The following TMEM181 variants were observed in gnomAD, a reference collection of about 807,000 sequenced individuals.
The protein encoded by TMEM181 is transmembrane protein 181, also known as G protein-coupled receptor 178.
A neutral mutation model predicts 71.9 loss-of-function variants in TMEM181; 39 were observed. That is an observed-to-expected ratio of 0.54 (90% confidence interval 0.42 to 0.71). The LOEUF is 0.71. Ranked by LOEUF, TMEM181 falls within the 30% of genes least tolerant of loss-of-function variation. TMEM181 has a pLI of 0.00. For missense variants in TMEM181, 595 were observed against 583.0 expected (o/e 1.02, Z -0.21); for synonymous variants, 245 against 228.8 (o/e 1.07, Z -0.64).
At chr6:158,536,971 C>A in intron 1 of TMEM181, 1 of 844,726 alleles carries the variant, frequency 1.2e-6, no homozygotes, top group Non-Finnish European at 1.5e-6. Context: ...CCGACGGCCG[C>A]CTCCGCCGGC....
chr6:158,631,698 T>C (rs749700766), intron 16 of TMEM181, 112 bp from the exon 17 acceptor site: 21 of 1,259,078 alleles, frequency 1.7e-5, no homozygotes, highest in Non-Finnish European at 2.1e-5. Flanking sequence ...TGATAGAAAA[T>C]TGAAAGAGCG....
intron 1 of TMEM181, among the ~76,000 whole-genome samples, chr6:158,561,588 G>A (rs1782181015): frequency 6.6e-6 from 1 of 152,198 alleles, no homozygotes; most frequent in Admixed American, 6.5e-5. Flanking sequence ...GGGGACGTGA[G>A]GTGGTGAGGG....
At chr6:158,602,576 T>C (rs1250514388) in intron 6 of TMEM181, among the ~76,000 whole-genome samples, 2 of 151,976 alleles carry the variant, frequency 1.3e-5, no homozygotes, top group African/African-American at 2.4e-5. Flanking sequence ...CGGTGTATAA[T>C]GGTATTTAAT....
At position 158,560,097 on chromosome 6, in the gene TMEM181, T is replaced by C. The variant is rs1782066525; in HGVS notation, c.-128T>C. ...CTCGGCGTCGCGCTCTGATGAGTTT[T>C]CCGCGGCCGGCCGCTGCTCAGCCGC... On this transcript the variant is annotated 5_prime_UTR_variant, in exon 1 of 17. Coordinates refer to ENST00000684151, the MANE Select transcript of TMEM181 (RefSeq NM_001376852.1). 1.0e-6 allele frequency: 1 copy of C among 984,920 alleles called. No individual in the cohort carries two copies. The highest frequency in any genetic ancestry group is 1.2e-6 in the Non-Finnish European group (1 of 829,764). The allele number at this position is 984,920 out of a possible 1,614,324, so 61.0% of individuals were successfully genotyped here. A position where few individuals can be genotyped will look rare whatever the true frequency, so the allele number is the denominator to read the frequency against.
intron 13 of TMEM181, 115 bp downstream of exon 13, chr6:158,625,869 T>G: frequency 1.1e-6 from 1 of 944,476 alleles, no homozygotes; most frequent in South Asian, 1.5e-5. Flanking sequence ...CCCAGTAGAC[T>G]CATGAGGTTA....
At position 158,608,615 on chromosome 6, in the gene TMEM181, A is replaced by G. The variant is rs201312209; in HGVS notation, c.805-44A>G. ...AAAATCACGTTATGTACAATTACCA[A>G]TTTGGTTTTCTTTATTTCTTACTTC... is the stretch of plus-strand genomic sequence containing the variant. On this transcript the variant is annotated intron_variant, in intron 9 of 16. Transcript: ENST00000684151. 43 of 1,598,046 alleles carry G rather than the reference A, an allele frequency of 2.7e-5. No individual in the cohort carries two copies. The African/African-American group carries it at 2.8e-4, about 11-fold the overall frequency.
intron 4 of TMEM181, among the ~76,000 whole-genome samples, chr6:158,584,732 T>C (rs1344806051): frequency 6.6e-6 from 1 of 152,172 alleles, no homozygotes; most frequent in African/African-American, 2.4e-5. Context: ...GAAACAAATA[T>C]ATATTACGAA....
intron 6 of TMEM181, among the ~76,000 whole-genome samples, chr6:158,599,234 A>C (rs971566980): frequency 1.3e-5 from 2 of 152,186 alleles, no homozygotes; most frequent in Admixed American, 1.3e-4. Flanking sequence ...CTGTGCCTGC[A>C]CGGAGGACAA....
chr6:158,597,678 T>A (rs561086713), intron 6 of TMEM181, among the ~76,000 whole-genome samples: 17 of 152,152 alleles, frequency 1.1e-4, no homozygotes, highest in African/African-American at 3.4e-4. Context: ...TGGATTTTTT[T>A]AATTTTTTAT....
At chr6:158,614,506 C>A (rs1425868425) in intron 10 of TMEM181, among the ~76,000 whole-genome samples, 1 of 152,114 alleles carries the variant, frequency 6.6e-6, no homozygotes, top group South Asian at 2.1e-4. Context: ...TTTAATTACA[C>A]TTTAAGTTCT....
At chr6:158,558,122 A>G (rs1031846954), upstream of TMEM181, among the ~76,000 whole-genome samples, 3 of 152,150 alleles carry the variant, frequency 2.0e-5, no homozygotes, top group African/African-American at 7.2e-5. Context: ...GGTAGTTTGG[A>G]GTCAAATGCA....
At chr6:158,626,746 A>G (rs1367860593) in intron 13 of TMEM181, 1 of 447,910 alleles carries the variant, frequency 2.2e-6, no homozygotes, top group Admixed American at 2.4e-5. Flanking sequence ...ACACATGGCC[A>G]TACAACCTCA....
intron 2 of TMEM181, among the ~76,000 whole-genome samples, chr6:158,578,527 T>A (rs917457634): frequency 6.6e-6 from 1 of 152,238 alleles, no homozygotes; most frequent in African/African-American, 2.4e-5. Flanking sequence ...GGACACAATA[T>A]ATAAAGATAG....
chr6:158,552,658 G>C (rs1781755142), intron 1 of TMEM181, among the ~76,000 whole-genome samples: 1 of 152,172 alleles, frequency 6.6e-6, no homozygotes, highest in African/African-American at 2.4e-5. Flanking sequence ...TAAAAAGGTT[G>C]AAGGAGAGAG....
intron 1 of TMEM181, among the ~76,000 whole-genome samples, chr6:158,568,696 C>G (rs16900852): frequency 0.028 from 4,328 of 152,206 alleles, 216 homozygotes; most frequent in African/African-American, 0.099. Flanking sequence ...GACCTGTGAG[C>G]ATTTTCAGCA....
intron 10 of TMEM181, chr6:158,610,744 G>A: frequency 1.0e-5 from 3 of 296,746 alleles, no homozygotes; most frequent in Non-Finnish European, 1.3e-5. Context: ...TCAGGCACTC[G>A]GGCTGCTCCT....
At chr6:158,566,475 AT>A in intron 1 of TMEM181, among the ~76,000 whole-genome samples, 1 of 99,458 alleles carries the variant, frequency 1.0e-5, no homozygotes, top group Non-Finnish European at 2.2e-5. Context: ...GAGGGAGGTG[AT>A]GGTGAGCTCC....
intron 2 of TMEM181, among the ~76,000 whole-genome samples, chr6:158,575,558 T>G (rs1319668517): frequency 1.3e-5 from 2 of 152,168 alleles, no homozygotes; most frequent in African/African-American, 4.8e-5. Context: ...CCTCAGATGA[T>G]CCGCCTGCCT....
chr6:158,610,307 C>T (rs916080792), intron 10 of TMEM181: 3 of 290,582 alleles, frequency 1.0e-5, no homozygotes, highest in African/African-American at 2.2e-5. Flanking sequence ...CAGCCAAAGG[C>T]CCCCCAGACC....
Sources: allele counts gnomAD v4.1 joint callset (sites outside exome capture counted in the v4.1 genomes callset), GRCh38; gene constraint gnomAD v4.1.1; transcripts MANE v1.5; gene names NCBI Gene and HGNC (gene_info 2026-07-23, HGNC 2026-07-21).